The following GPR26 variants were observed in gnomAD, a reference collection of about 807,000 sequenced individuals.
GPR26 encodes G protein-coupled receptor 26.
Under a neutral mutation model 23.1 loss-of-function variants are expected in GPR26, and 15 were observed. The ratio of observed to expected loss-of-function variants is 0.65; its 90% confidence interval spans 0.43 to 1.00. The LOEUF (loss-of-function observed/expected upper bound fraction) is 1.00. Ranked by LOEUF, GPR26 falls within the 50% of genes least tolerant of loss-of-function variation. The pLI, the probability that GPR26 is intolerant of heterozygous loss-of-function variation, is 0.00. For synonymous variants in GPR26, 228 were observed against 222.1 expected, an observed-to-expected ratio of 1.03 and a Z score of -0.24; for missense variants, 359 against 470.5, an observed-to-expected ratio of 0.76 and a Z score of 2.19.
chr10:123,686,445 C>A (rs1282810500), intron 2 of GPR26, among the ~76,000 whole-genome samples: 2 of 152,174 alleles, frequency 1.3e-5, no homozygotes, highest in Non-Finnish European at 2.9e-5. Flanking sequence ...CACAGTCCCC[C>A]ACAGGGTCAG....
chr10:123,666,585 A>G lies in GPR26; in HGVS notation c.178A>G (p.Met60Val). The change falls in exon 1 of 3, where the codon ATG becomes GTG. Residue 60 changes from methionine to valine, a missense_variant. Physicochemically the swap from Met to Val is conservative, Grantham distance 21. Transcript: ENST00000284674. The stretch of plus-strand genomic sequence containing the variant: ...GAACCTGCTGTGCACCGTGGTCAAC[A>G]TGCCGCTCACGCTGGCCGGCGTCGT... Reference protein sequence around the residue: ...CGNLLCTVVNMPLTLAGVVAQ... With the variant: ...CGNLLCTVVNVPLTLAGVVAQ... The G allele has an allele frequency of 1.3e-6, 2 of 1,596,806 alleles. No individual in the cohort carries two copies. Among genetic ancestry groups the G allele is most frequent in the Non-Finnish European group, 1.7e-6 (2 of 1,173,812 alleles).
chr10:123,680,981 A>G (rs1309238216), intron 2 of GPR26, among the ~76,000 whole-genome samples: 1 of 152,022 alleles, frequency 6.6e-6, no homozygotes, highest in Non-Finnish European at 1.5e-5. Context: ...CTGGGACTGC[A>G]GGTGCGCACC....
chr10:123,666,786 G>T lies in GPR26; in HGVS notation c.379G>T (p.Val127Leu). Residue 127 changes from valine (V) to leucine (L), a missense_variant, in exon 1 of 3, where the codon GTG (valine) becomes TTG (leucine). Transcript: ENST00000284674. The part of the protein sequence containing the change: ...KMRLRDAALM[V>L]AYTWLHALTF... ...GCGCCTCCGCGACGCGGCGCTCATG[G>T]TGGCCTACACGTGGCTGCACGCGCT... The T allele has an allele frequency of 6.2e-7, 1 of 1,606,110 alleles. No individual in the cohort carries two copies. Among genetic ancestry groups the T allele is most frequent in the Non-Finnish European group, 8.5e-7 (1 of 1,177,860 alleles).
chr10:123,666,507 G>A lies in GPR26; in HGVS notation c.100G>A (p.Ala34Thr), dbSNP rs1450579143. ...ALVLLCLLHS[A>T]DIRRQAPALF... ...GGTGCTGCTCTGCCTGCTGCACAGC[G>A]CGGACATCCGCCGCCAGGCGCCGGC... The change falls in exon 1 of 3, where the codon GCG becomes ACG. Residue 34 changes from alanine (A) to threonine (T), a missense_variant. Transcript: ENST00000284674. 3.2e-6 allele frequency: 5 copies of A among 1,574,864 alleles called. No individual in the cohort carries two copies. In the African/African-American group the frequency reaches 4.1e-5, roughly 13 times the overall value.
intron 2 of GPR26, among the ~76,000 whole-genome samples, chr10:123,680,960 C>T (rs1845367907): frequency 1.3e-5 from 2 of 152,048 alleles, no homozygotes. Context: ...CTGCCTCAGC[C>T]ACCCGAGTAG....
At chr10:123,668,652 T>G (rs1193776498) in intron 1 of GPR26, among the ~76,000 whole-genome samples, 4 of 152,240 alleles carry the variant, frequency 2.6e-5, no homozygotes, top group African/African-American at 9.6e-5. Context: ...TGCAGAGCTA[T>G]TGCCCTTTCC....
rs1382782016 is a variant in GPR26, at chr10:123,691,597, GC to G, written c.*3439del. On this transcript the variant is annotated 3_prime_UTR_variant, in exon 3 of 3. Transcript: ENST00000284674. ...GCCCAGATGCAGGATAAACTAGCTT[GC>G]CTGAGTTTAATGAGGATATTATATC... 13 of 152,258 alleles carry G rather than the reference GC, an allele frequency of 8.5e-5. No homozygotes were observed. The highest frequency in any genetic ancestry group is 2.1e-4 in the South Asian group (1 of 4,816). The allele number at this position is 152,258 out of a possible 1,614,324, so 9.4% of individuals were successfully genotyped here.
chr10:123,685,401 T>C (rs998944826), intron 2 of GPR26, among the ~76,000 whole-genome samples: 5 of 152,256 alleles, frequency 3.3e-5, no homozygotes, highest in East Asian at 1.9e-4. Flanking sequence ...GTGTGGAGCA[T>C]AGCCAGCAGC....
chr10:123,672,796 T>C (rs1365301448), intron 1 of GPR26, among the ~76,000 whole-genome samples: 3 of 152,174 alleles, frequency 2.0e-5, no homozygotes, highest in African/African-American at 4.8e-5. Context: ...TTGGATAGTC[T>C]CCTGCAAACT....
At chr10:123,684,670 G>A (rs374431599) in intron 2 of GPR26, among the ~76,000 whole-genome samples, 32 of 152,200 alleles carry the variant, frequency 2.1e-4, no homozygotes, top group African/African-American at 7.2e-4. Context: ...CTCTGCCTTC[G>A]TGTTCACACG....
rs1213009817 is a variant in GPR26, at chr10:123,694,609, GA to G, written c.*6451del. On this transcript the variant is annotated 3_prime_UTR_variant, in exon 3 of 3. Coordinates refer to ENST00000284674, the MANE Select transcript of GPR26 (RefSeq NM_153442.4). ...AATGGCAAAGGAAGGAAGAAGGAGA[GA>G]AGGAAGGAAAAACAAAGGAAGGAGA... is the stretch of plus-strand genomic sequence containing the variant. The G allele has an allele frequency of 1.3e-5, 2 of 149,306 alleles. No homozygotes were observed. The highest frequency in any genetic ancestry group is 3.0e-5 in the Non-Finnish European group (2 of 67,448). 9.2% of individuals were successfully genotyped at this position (149,306 alleles called of 1,614,324 possible). A position where few individuals can be genotyped will look rare whatever the true frequency, so the allele number is the denominator to read the frequency against.
At position 123,690,668 on chromosome 10, in the gene GPR26, G is replaced by A. The variant is rs1266920479; in HGVS notation, c.*2508G>A. On this transcript the variant is annotated 3_prime_UTR_variant, in exon 3 of 3. Coordinates refer to ENST00000284674, the MANE Select transcript of GPR26 (RefSeq NM_153442.4). ...TTTGGACACATGAATTAAATCCCAA[G>A]GGAAAGTGAGAAGAAAATTAATGTA... 2.6e-5 allele frequency: 4 copies of A among 152,210 alleles called. No homozygotes were observed. The highest frequency in any genetic ancestry group is 1.3e-4 in the Admixed American group (2 of 15,278). The allele number at this position is 152,210 out of a possible 1,614,324, so 9.4% of individuals were successfully genotyped here. A position where few individuals can be genotyped will look rare whatever the true frequency, so the allele number is the denominator to read the frequency against.
At chr10:123,681,639 C>G (rs891300145) in intron 2 of GPR26, among the ~76,000 whole-genome samples, 1 of 152,176 alleles carries the variant, frequency 6.6e-6, no homozygotes, top group Non-Finnish European at 1.5e-5. Flanking sequence ...ATCTGCCACC[C>G]CTTTGAGTTG....
Position 123,696,985 on chromosome 10 carries a change from G to A in GPR26, c.*8825G>A, listed in dbSNP as rs187433387. 4.5e-4 allele frequency among the ~76,000 whole-genome samples: 68 copies of A among 152,088 alleles called. No individual in the cohort carries two copies. Among genetic ancestry groups the A allele is most frequent in the Admixed American group, 7.2e-4 (11 of 15,274 alleles). The stretch of plus-strand genomic sequence containing the variant: ...CATATGGGTGAATGTTTGTGTGCCC[G>A]TGATTATATGCATGTGGGTGAATGT... On this transcript the variant is annotated 3_prime_UTR_variant, in exon 3 of 3. Transcript: ENST00000284674.
Position 123,666,539 on chromosome 10 carries a change from C to T in GPR26, c.132C>T (p.Phe44=). The change falls in exon 1 of 3, where the codon TTC becomes TTT. Residue 44 remains phenylalanine, a synonymous_variant. Transcript: ENST00000284674. ...TCCGCCGCCAGGCGCCGGCGCTCTTCACCCTGAACCTCACGTGCGGGAACC... is the reference window on the plus strand; with the variant it reads ...TCCGCCGCCAGGCGCCGGCGCTCTTTACCCTGAACCTCACGTGCGGGAACC... ...ADIRRQAPAL[F]TLNLTCGNLL... 2.5e-6 allele frequency: 4 copies of T among 1,592,442 alleles called. No homozygotes were observed. Among genetic ancestry groups the T allele is most frequent in the Non-Finnish European group, 3.4e-6 (4 of 1,172,228 alleles).
chr10:123,687,962 C>T lies in GPR26; in HGVS notation c.816C>T (p.Gly272=), dbSNP rs961697346. Residue 272 remains glycine, a synonymous_variant, in exon 3 of 3, where the codon GGC becomes GGT. Coordinates refer to ENST00000284674, the MANE Select transcript of GPR26 (RefSeq NM_153442.4). ...AGCTCTTCTCCACGGTGCCCATCGG[C>T]TCCCACTGGGGGGTGCTGTCCAAGT... is the stretch of plus-strand genomic sequence containing the variant. ...LVELFSTVPI[G]SHWGVLSKCL... 1 of 1,613,638 alleles carries T rather than the reference C, an allele frequency of 6.2e-7. No individual in the cohort carries two copies. Among genetic ancestry groups the T allele is most frequent in the African/African-American group, 1.3e-5 (1 of 75,046 alleles).
chr10:123,680,830 G>GTT lies in GPR26; in HGVS notation c.782+5899_782+5900insTT, dbSNP rs1564732136. The stretch of plus-strand genomic sequence containing the variant: ...TTTTTGTTTTGTTTTGTTTTTTTGG[G>GTT]GGGGGGGGTTGTTTTTTTGTTTTTT... On this transcript the variant is annotated intron_variant, in intron 2 of 2. Coordinates refer to ENST00000284674, the MANE Select transcript of GPR26 (RefSeq NM_153442.4). Among the ~76,000 whole-genome samples the GTT allele has an allele frequency of 6.6e-5, 8 of 120,390 alleles. 1 individual carries two copies. Among genetic ancestry groups the GTT allele is most frequent in the South Asian group, 2.8e-4 (1 of 3,526 alleles). 79.0% of individuals were successfully genotyped at this position (120,390 alleles called of 152,430 possible). A position where few individuals can be genotyped will look rare whatever the true frequency, so the allele number is the denominator to read the frequency against.
chr10:123,675,833 C>CGGGTGTGTGTGTGTGTGTGT (rs1845302700), intron 2 of GPR26, among the ~76,000 whole-genome samples: 1 of 134,096 alleles, frequency 7.5e-6, no homozygotes, highest in Non-Finnish European at 1.6e-5. Context: ...TGTGTGTGTA[C>CGGGTGTGTGTGTGTGTGTGT]GTGTGTGTGT....
At position 123,675,022 on chromosome 10, in the gene GPR26, G is replaced by A. The variant is rs903989697; in HGVS notation, c.782+91G>A. 2.2e-5 allele frequency: 17 copies of A among 761,228 alleles called. No individual in the cohort carries two copies. The Admixed American group carries it at 3.1e-4, about 14-fold the overall frequency. The allele number at this position is 761,228 out of a possible 1,614,324, so 47.2% of individuals were successfully genotyped here. On this transcript the variant is annotated intron_variant, in intron 2 of 2. Transcript: ENST00000284674. ...CAGTGGCAGCCTCTCTTGGCCACAC[G>A]TTCTTCTGCACGGTGTGTTGTGGGG...
Sources: allele counts gnomAD v4.1 joint callset (sites outside exome capture counted in the v4.1 genomes callset), GRCh38; gene constraint gnomAD v4.1.1; transcripts MANE v1.5; gene names NCBI Gene and HGNC (gene_info 2026-07-23, HGNC 2026-07-21).